The following SHANK2 variants were observed in gnomAD, a reference collection of about 807,000 sequenced individuals.
The protein encoded by SHANK2 is SH3 and multiple ankyrin repeat domains protein 2.
A neutral mutation model predicts 133.7 loss-of-function variants in SHANK2; 43 were observed. The observed-to-expected ratio is 0.32, with a 90% CI of 0.25 to 0.41. The LOEUF is 0.41. Among genes scored for constraint, SHANK2 ranks in the 10% least tolerant of loss-of-function variants. The pLI is 1.00. For missense variants in SHANK2, 1,994 were observed against 2,235.8 expected, an observed-to-expected ratio of 0.89 and a Z score of 2.18; for synonymous variants, 1,017 against 952.8, an observed-to-expected ratio of 1.07 and a Z score of -1.24.
At chr11:70,825,365 G>A (rs1565344322) in intron 11 of SHANK2, among the ~76,000 whole-genome samples, 1 of 152,188 alleles carries the variant, frequency 6.6e-6, no homozygotes, top group Non-Finnish European at 1.5e-5. Context: ...AATGGGCACA[G>A]ACAAAGGTTG....
intron 2 of SHANK2, among the ~76,000 whole-genome samples, chr11:71,172,145 C>T (rs1953326962): frequency 6.6e-6 from 1 of 152,120 alleles, no homozygotes; most frequent in Non-Finnish European, 1.5e-5. Flanking sequence ...GCTAGGATTT[C>T]CAACACAGTG....
At chr11:70,923,935 G>A (rs1950389422) in intron 10 of SHANK2, among the ~76,000 whole-genome samples, 1 of 152,180 alleles carries the variant, frequency 6.6e-6, no homozygotes, top group African/African-American at 2.4e-5. Context: ...CTATAAGAAT[G>A]CAGACCGGTG....
chr11:70,819,339 G>A (rs1178242996), intron 12 of SHANK2, among the ~76,000 whole-genome samples: 2 of 152,252 alleles, frequency 1.3e-5, no homozygotes, highest in Non-Finnish European at 2.9e-5. Flanking sequence ...TCCTGGAGCA[G>A]CTGTACCCAT....
chr11:70,855,904 T>C (rs545719165), intron 11 of SHANK2, among the ~76,000 whole-genome samples: 14 of 151,850 alleles, frequency 9.2e-5, no homozygotes, highest in Non-Finnish European at 1.9e-4. Flanking sequence ...GATGAATGAA[T>C]GGATAAAGAG....
Position 71,175,152 on chromosome 11 carries a change from G to A in SHANK2, c.-12-27814C>T, listed in dbSNP as rs975626222. ...CTGTGCCTTATCTATTTTGTGTGTCGCTCCCAGGAGGGCAAGAGACAAAAC... is the reference window on the plus strand; with the variant it reads ...CTGTGCCTTATCTATTTTGTGTGTCACTCCCAGGAGGGCAAGAGACAAAAC... On this transcript the variant is annotated intron_variant, in intron 2 of 25. Transcript: ENST00000601538. This position sits in a 1 kb window ranked among gnomAD's most constrained non-coding sequence, Gnocchi z 4.2. Among the ~76,000 whole-genome samples, 6 of 152,166 alleles carry A rather than the reference G, an allele frequency of 3.9e-5. No individual in the cohort carries two copies. The highest frequency in any genetic ancestry group is 1.4e-4 in the African/African-American group (6 of 41,440).
chr11:70,933,841 A>G (rs1950533263), intron 10 of SHANK2, among the ~76,000 whole-genome samples: 3 of 150,630 alleles, frequency 2.0e-5, no homozygotes, highest in Admixed American at 2.0e-4. Context: ...AATTGGTTGC[A>G]GTGAGCTGAG....
chr11:70,662,154 A>C, intron 15 of SHANK2: 1 of 330,124 alleles, frequency 3.0e-6, no homozygotes. Flanking sequence ...CAGAGGAGAA[A>C]TGAGGCAGCA....
chr11:70,861,462 A>G (rs1436603007), intron 11 of SHANK2, among the ~76,000 whole-genome samples: 6 of 152,220 alleles, frequency 3.9e-5, no homozygotes, highest in Admixed American at 3.9e-4. Flanking sequence ...TCTGACAAAA[A>G]ATCCCCAGCC....
At chr11:70,647,490 T>C (rs2061280157) in intron 17 of SHANK2, 2 of 152,220 alleles carry the variant, frequency 1.3e-5, no homozygotes, top group Non-Finnish European at 2.9e-5. Flanking sequence ...TCTGTGGGTA[T>C]GTGAGTCCCC....
chr11:70,612,821 C>T (rs563062862), intron 17 of SHANK2, among the ~76,000 whole-genome samples: 13 of 152,270 alleles, frequency 8.5e-5, no homozygotes, highest in African/African-American at 2.4e-4. Flanking sequence ...ACTTTCCATA[C>T]GCAATATCAG....
chr11:71,083,665 G>A (rs1240750741), intron 8 of SHANK2, among the ~76,000 whole-genome samples: 1 of 152,158 alleles, frequency 6.6e-6, no homozygotes, highest in Non-Finnish European at 1.5e-5. Context: ...AGGTACCGGG[G>A]TTCAGCACAT....
At chr11:70,642,894 A>G (rs1412693140) in intron 17 of SHANK2, among the ~76,000 whole-genome samples, 1 of 152,238 alleles carries the variant, frequency 6.6e-6, no homozygotes, top group Non-Finnish European at 1.5e-5. Flanking sequence ...CAAGGTGACT[A>G]CAGTTAATAA....
rs548914321 is a variant in SHANK2, at chr11:70,752,122, A to AT, written c.1777+46320dup. ...TATTTAAAAAGTTGACTTCTTTATTATTTTTTTGTAGAGATGTGATCTCAC... is the reference window on the plus strand; with the variant it reads ...TATTTAAAAAGTTGACTTCTTTATTATTTTTTTTGTAGAGATGTGATCTCAC... On this transcript the variant is annotated intron_variant, in intron 14 of 25. Transcript: ENST00000601538. Among the ~76,000 whole-genome samples, 787 of 152,158 alleles carry AT rather than the reference A, an allele frequency of 5.2e-3. 7 individuals carry two copies. Among genetic ancestry groups the AT allele is most frequent in the African/African-American group, 0.018 (738 of 41,512 alleles).
intron 21 of SHANK2, among the ~76,000 whole-genome samples, chr11:70,499,722 G>A (rs893101700): frequency 1.6e-4 from 24 of 152,206 alleles, no homozygotes; most frequent in Non-Finnish European, 3.1e-4. Flanking sequence ...CCCGCTGGGA[G>A]TTTTCTGGGC....
intron 17 of SHANK2, among the ~76,000 whole-genome samples, chr11:70,551,571 C>T (rs1274666742): frequency 6.6e-6 from 1 of 152,242 alleles, no homozygotes; most frequent in East Asian, 1.9e-4. Context: ...ATGGCTGCTT[C>T]CTCAGGCTGA....
At chr11:70,603,190 T>C (rs1312696148) in intron 17 of SHANK2, 1 of 152,348 alleles carries the variant, frequency 6.6e-6, no homozygotes, top group African/African-American at 2.4e-5. Flanking sequence ...TCCGTGATGC[T>C]TCCATGACAT....
rs782264656 is a variant in SHANK2, at chr11:70,569,438, G to A, written c.2062-66507C>T. Among the ~76,000 whole-genome samples, 6 of 152,180 alleles carry A rather than the reference G, an allele frequency of 3.9e-5. No homozygotes were observed. The highest frequency in any genetic ancestry group is 6.5e-5 in the Admixed American group (1 of 15,276). On this transcript the variant is annotated intron_variant, in intron 17 of 25. Transcript: ENST00000601538. The surrounding 1 kb of genome is among the most constrained non-coding windows in gnomAD (Gnocchi z 5.1). ...TGGGTCCTGAGGGAGAAGGCGGCTC[G>A]TAGGCTGCTGTGCTGGGCAGAGGGT...
At chr11:71,239,005 A>T (rs1375451403) in intron 1 of SHANK2, among the ~76,000 whole-genome samples, 1 of 152,232 alleles carries the variant, frequency 6.6e-6, no homozygotes, top group African/African-American at 2.4e-5. Flanking sequence ...GAAAGAAATA[A>T]GGGGACCCGG....
intron 17 of SHANK2, among the ~76,000 whole-genome samples, chr11:70,545,290 C>T (rs1164986929): frequency 2.6e-5 from 4 of 152,364 alleles, no homozygotes; most frequent in African/African-American, 9.6e-5. Flanking sequence ...TCTTCCTGAC[C>T]AGCTCCCAGC....
Sources: allele counts gnomAD v4.1 joint callset (sites outside exome capture counted in the v4.1 genomes callset), GRCh38; gene constraint gnomAD v4.1.1; non-coding constraint Gnocchi (gnomAD v3.1); transcripts MANE v1.5; gene names NCBI Gene and HGNC (gene_info 2026-07-23, HGNC 2026-07-21).